Variants in ECD observed in about 807,000 individuals in gnomAD.
ECD encodes the protein protein ecdysoneless homolog.
A neutral mutation model predicts 77.2 loss-of-function variants in ECD; 59 were observed. That is an observed-to-expected ratio of 0.76 (90% CI 0.62 to 0.95). The LOEUF (loss-of-function observed/expected upper bound fraction) is 0.95. ECD is among the 40% of genes least tolerant of loss of function. The probability of loss-of-function intolerance (pLI) is 0.00; values close to 1 mark genes in which losing one functional copy is unlikely to be tolerated. For synonymous variants in ECD, 233 were observed against 267.4 expected (o/e 0.87, Z 1.26); for missense variants, 704 against 763.4 (o/e 0.92, Z 0.92).
rs189521397 is a variant in ECD, at chr10:73,161,359, G to C, written c.206-808C>G. Among the ~76,000 whole-genome samples, 373 of 151,602 alleles carry C rather than the reference G, an allele frequency of 2.5e-3. 1 individual carries two copies. The highest frequency in any genetic ancestry group is 8.6e-3 in the African/African-American group (357 of 41,392). On this transcript the variant is annotated intron_variant, in intron 2 of 13. Coordinates refer to ENST00000372979, the MANE Select transcript of ECD (RefSeq NM_007265.3). Reference sequence around the variant, plus strand: ...AGCAAATACTCAAATAACTAAAATCGGAAATGAAAGAGGGGACAGTACAAC... The same window carrying C: ...AGCAAATACTCAAATAACTAAAATCCGAAATGAAAGAGGGGACAGTACAAC...
intron 11 of ECD, 85 bp from the exon 12 acceptor site, chr10:73,138,155 A>T: frequency 1.0e-6 from 1 of 992,180 alleles, no homozygotes. Flanking sequence ...TTCTTAGGAA[A>T]GCTACCAAAG....
chr10:73,134,300 ATATTGTGG>A lies in ECD; in HGVS notation c.*275_*282del. On this transcript the variant is annotated 3_prime_UTR_variant, in exon 14 of 14. Coordinates refer to ENST00000372979, the MANE Select transcript of ECD (RefSeq NM_007265.3). ...AAATATTTAGAATTACTCCAAGGGT[ATATTGTGG>A]TAGGGTATGTCTTTAGCATGAAGTG... 3.2e-6 allele frequency: 1 copy of A among 315,672 alleles called. No homozygotes were observed. The highest frequency in any genetic ancestry group is 5.9e-6 in the Non-Finnish European group (1 of 170,732). 19.6% of individuals were successfully genotyped at this position (315,672 alleles called of 1,614,324 possible).
chr10:73,134,743 G>T lies in ECD; in HGVS notation c.1775C>A (p.Ala592Glu), dbSNP rs1466266439. Residue 592 changes from alanine (A) to glutamate (E), a missense_variant, in exon 14 of 14, where the codon GCA becomes GAA. Physicochemically the swap from Ala to Glu is moderately radical, Grantham distance 107. Around this residue, in one of 3 missense-constraint regions of ECD, gnomAD observed 142 missense variants for 163.6 expected, o/e 0.87. Coordinates refer to ENST00000372979, the MANE Select transcript of ECD (RefSeq NM_007265.3). ...EDSGTGESVMAPVDVDLNLVS... is the reference protein window; with the variant it reads ...EDSGTGESVMEPVDVDLNLVS... ...CAGGTTCAGGTCTACATCTACTGGT[G>T]CCATAACAGATTCTCCCGTACCAGA... The T allele has an allele frequency of 1.2e-6, 2 of 1,614,010 alleles. No homozygotes were observed. The highest frequency in any genetic ancestry group is 8.5e-7 in the Non-Finnish European group (1 of 1,180,038).
At position 73,134,654 on chromosome 10, in the gene ECD, A is replaced by AAAGATTG. The variant is rs769598469; in HGVS notation, c.1857_1863dup (p.Leu622GlnfsTer12). The AAAGATTG allele has an allele frequency of 1.9e-6, 3 of 1,614,192 alleles. No individual in the cohort carries two copies. The highest frequency in any genetic ancestry group is 1.6e-4 in the Middle Eastern group (1 of 6,062). On this transcript the variant is annotated frameshift_variant, in exon 14 of 14. Transcript: ENST00000372979. LOFTEE classifies it high-confidence loss of function. ...GGCAGCTGCACTCCCATGCTTTGTA[A>AAAGATTG]AAGATTGGAAGCAGGTCCTGCCAGT...
intron 2 of ECD, among the ~76,000 whole-genome samples, chr10:73,161,429 G>A (rs1564667786): frequency 1.3e-5 from 2 of 151,930 alleles, no homozygotes; most frequent in African/African-American, 4.8e-5. Context: ...TATGAACAAT[G>A]GTATACCAGT....
chr10:73,139,481 CT>C lies in ECD; in HGVS notation c.1248del (p.Asp417IlefsTer34). ...NLPPEDDDQW[L>X]DLSPDQLDQL... ...TGGTCCAGCTGATCTGGTGAGAGAT[CT>C]AACCACTGGTCATCTGAAAAAGAAG... is the stretch of plus-strand genomic sequence containing the variant. On this transcript the variant is annotated frameshift_variant, in exon 11 of 14. Transcript: ENST00000372979. LOFTEE classifies it high-confidence loss of function. 1 of 1,613,530 alleles carries C rather than the reference CT, an allele frequency of 6.2e-7. No homozygotes were observed. The highest frequency in any genetic ancestry group is 1.1e-5 in the South Asian group (1 of 91,002).
Position 73,160,561 on chromosome 10 carries a change from A to T in ECD, c.206-10T>A. 6.3e-7 allele frequency: 1 copy of T among 1,575,520 alleles called. No homozygotes were observed. The highest frequency in any genetic ancestry group is 8.6e-7 in the Non-Finnish European group (1 of 1,160,842). On this transcript the variant is annotated splice_polypyrimidine_tract_variant and intron_variant, in intron 2 of 13. Transcript: ENST00000372979. ...TGAGCAGGAACACCTCCTAAAAACAAGAGAAAAGCAACCATGTAACCAGAT... is the reference window on the plus strand; with the variant it reads ...TGAGCAGGAACACCTCCTAAAAACATGAGAAAAGCAACCATGTAACCAGAT...
chr10:73,164,491 G>C (rs111959734), intron 1 of ECD, among the ~76,000 whole-genome samples: 1 of 151,722 alleles, frequency 6.6e-6, no homozygotes, highest in Non-Finnish European at 1.5e-5. Flanking sequence ...ATTTGAGATG[G>C]AGTTTCACTC....
intron 3 of ECD, 149 bp downstream of exon 3, chr10:73,160,285 A>G (rs78599384): frequency 8.3e-6 from 2 of 240,716 alleles, no homozygotes; most frequent in Admixed American, 1.4e-4. Context: ...GACTGTCTCA[A>G]AAAAAAAAAA....
At chr10:73,137,923 T>C (rs1284783876) in intron 12 of ECD, 80 bp downstream of exon 12, 37 of 1,055,118 alleles carry the variant, frequency 3.5e-5, no homozygotes, top group Non-Finnish European at 3.4e-5. Context: ...GCTTCTGAGA[T>C]ATCTCATAAA....
chr10:73,157,237 A>C (rs896660080), intron 3 of ECD, among the ~76,000 whole-genome samples: 8 of 151,382 alleles, frequency 5.3e-5, no homozygotes, highest in African/African-American at 1.9e-4. Context: ...TTTAGTAGAG[A>C]CAGGGTTTCG....
In ECD at chr10:73,139,783, G is replaced by A. The variant is rs747010265; in HGVS notation, c.1128-46C>T. Reference sequence around the variant, plus strand: ...GAGTATTTCTTCATAAGAGAACATAGAATAGTAATCATAAATACATAGTAT... The same window carrying A: ...GAGTATTTCTTCATAAGAGAACATAAAATAGTAATCATAAATACATAGTAT... On this transcript the variant is annotated intron_variant, in intron 9 of 13. Coordinates refer to ENST00000372979, the MANE Select transcript of ECD (RefSeq NM_007265.3). 26 of 1,298,152 alleles carry A rather than the reference G, an allele frequency of 2.0e-5. No individual in the cohort carries two copies. In the South Asian group the frequency reaches 3.1e-4, roughly 15 times the overall value. 80.4% of individuals were successfully genotyped at this position (1,298,152 alleles called of 1,614,324 possible).
rs1843210995 is a variant in ECD at position 73,151,760 on chromosome 10, T to C, written c.912+533A>G. Among the ~76,000 whole-genome samples the C allele has an allele frequency of 2.6e-5, 4 of 152,344 alleles. No homozygotes were observed. In the South Asian group the frequency reaches 8.3e-4, roughly 32 times the overall value. On this transcript the variant is annotated intron_variant, in intron 7 of 13. Coordinates refer to ENST00000372979, the MANE Select transcript of ECD (RefSeq NM_007265.3). ...TTTTAAAATTAATTGGCTAGTATTATCATTTTCATATTGACTTAAAGGAAC... is the reference window on the plus strand; with the variant it reads ...TTTTAAAATTAATTGGCTAGTATTACCATTTTCATATTGACTTAAAGGAAC...
intron 7 of ECD, among the ~76,000 whole-genome samples, chr10:73,150,505 A>C (rs1212441834): frequency 6.6e-6 from 1 of 152,246 alleles, no homozygotes; most frequent in Non-Finnish European, 1.5e-5. Context: ...AATGGCAACA[A>C]AAGCCAAAAT....
At chr10:73,147,626 T>C (rs989863321) in intron 8 of ECD, among the ~76,000 whole-genome samples, 1 of 152,150 alleles carries the variant, frequency 6.6e-6, no homozygotes, top group Non-Finnish European at 1.5e-5. Context: ...TTTATCATCA[T>C]CATATTCTTC....
chr10:73,154,115 G>A (rs1843260563), intron 6 of ECD, 141 bp downstream of exon 6: 1 of 866,032 alleles, frequency 1.2e-6, no homozygotes, highest in East Asian at 2.7e-5. Flanking sequence ...TGAAGAAACA[G>A]AATATTTCCT....
At chr10:73,136,630 AC>A in intron 13 of ECD, 73 bp downstream of exon 13, 1 of 1,373,502 alleles carries the variant, frequency 7.3e-7, no homozygotes, top group Non-Finnish European at 1.0e-6. Context: ...AAAAAGAAAA[AC>A]TATGATAAAA....
chr10:73,156,571 A>C lies in ECD; in HGVS notation c.408T>G (p.Asn136Lys), dbSNP rs1309656033. Residue 136 changes from asparagine (N) to lysine (K), a missense_variant, in exon 4 of 14, where the codon AAT becomes AAG. By Grantham distance (94) the Asn-to-Lys change is moderately conservative. Transcript: ENST00000372979. ...TTCTAAACTTGGGTATACTTACCCT[A>C]TTGGTGCTATTTTCAGGATCCAGCC... ...PKWLDPENSTNRVFFCHGELC... is the reference protein window; with the variant it reads ...PKWLDPENSTKRVFFCHGELC... 3 of 1,614,174 alleles carry C rather than the reference A, an allele frequency of 1.9e-6. No homozygotes were observed. The South Asian group carries it at 3.3e-5, about 18-fold the overall frequency.
intron 9 of ECD, among the ~76,000 whole-genome samples, chr10:73,144,394 G>A (rs932963121): frequency 1.3e-4 from 20 of 152,082 alleles, no homozygotes; most frequent in African/African-American, 4.6e-4. Context: ...AGAAGCCAAG[G>A]TAGGGGGATC....
Sources: gnomAD v4.1 joint callset for allele counts (sites outside exome capture counted in the v4.1 genomes callset) on GRCh38, gnomAD v4.1.1 for gene constraint, gnomAD v4.1.1 regional missense constraint, MANE v1.5 for transcripts, NCBI Gene and HGNC (gene_info 2026-07-23, HGNC 2026-07-21) for gene names.